Variants in FCN1 observed in about 807,000 individuals in gnomAD.
FCN1 encodes the protein ficolin 1.
In FCN1, 42 loss-of-function variants were observed where a neutral mutation model predicts 35.6. That is an observed-to-expected ratio of 1.18 (90% CI 0.92 to 1.53). The LOEUF is 1.53. FCN1 is among the 40% of genes most tolerant of loss of function. FCN1 has a pLI of 0.00. For synonymous variants in FCN1, 179 were observed against 169.8 expected (o/e 1.05, Z -0.42); for missense variants, 439 against 428.4 (o/e 1.02, Z -0.22).
chr9:134,914,789 C>A lies in FCN1; in HGVS notation c.238G>T (p.Ala80Ser). ...CCCACTGGTCCTGCCTTTCCAGGGG[C>A]TCCAGGGAGACCGCGTTCTCCTGAA... ...GERGERGLPG[A>S]PGKAGPVGPK... is the part of the protein sequence containing the mutation. The change falls in exon 3 of 9, where the codon GCC becomes TCC. Residue 80 changes from alanine to serine, a missense_variant. Ala to Ser is a moderately conservative substitution (Grantham distance 99, BLOSUM62 1). Coordinates refer to ENST00000371806, the MANE Select transcript of FCN1 (RefSeq NM_002003.5). 2 of 1,612,856 alleles carry A rather than the reference C, an allele frequency of 1.2e-6. No homozygotes were observed. The highest frequency in any genetic ancestry group is 1.7e-6 in the Non-Finnish European group (2 of 1,179,336).
At chr9:134,914,660 TC>T (rs1831069373) in intron 3 of FCN1, 95 bp downstream of exon 3, 1 of 946,470 alleles carries the variant, frequency 1.1e-6, no homozygotes, top group African/African-American at 1.6e-5. Context: ...TGTGTCTGTG[TC>T]TGTGTCTCTG....
Position 134,904,178 on chromosome 9 carries a change from A to T in FCN1, c.*5620T>A, listed in dbSNP as rs1830915077. Among the ~76,000 whole-genome samples, 1 of 152,222 alleles carries T rather than the reference A, an allele frequency of 6.6e-6. No individual in the cohort carries two copies. The highest frequency in any genetic ancestry group is 1.5e-5 in the Non-Finnish European group (1 of 68,046). On this transcript the variant is annotated 3_prime_UTR_variant, in exon 9 of 9. Transcript: ENST00000371806. The stretch of plus-strand genomic sequence containing the variant: ...GATTCTATGAACCCCAAGCAAGACA[A>T]ATTCAGAGAAAGTCTCATCCAGGCA...
chr9:134,912,369 G>A (rs891142901), intron 7 of FCN1, 117 bp downstream of exon 7: 34 of 1,053,688 alleles, frequency 3.2e-5, no homozygotes, highest in South Asian at 2.3e-4. Context: ...CCACCTGAGT[G>A]TGCTCAGGGC....
intron 1 of FCN1, among the ~76,000 whole-genome samples, 155 bp downstream of exon 1, chr9:134,917,614 C>A (rs1485479408): frequency 6.6e-6 from 1 of 152,198 alleles, no homozygotes; most frequent in Non-Finnish European, 1.5e-5. Context: ...GCCTCAGCTG[C>A]CCTGAGCCTC....
chr9:134,909,148 G>T lies in FCN1; in HGVS notation c.*650C>A. The T allele has an allele frequency of 8.2e-7, 1 of 1,222,604 alleles. No homozygotes were observed. 75.7% of individuals were successfully genotyped at this position (1,222,604 alleles called of 1,614,324 possible). A position where few individuals can be genotyped will look rare whatever the true frequency, so the allele number is the denominator to read the frequency against. On this transcript the variant is annotated 3_prime_UTR_variant, in exon 9 of 9. Coordinates refer to ENST00000371806, the MANE Select transcript of FCN1 (RefSeq NM_002003.5). The stretch of plus-strand genomic sequence containing the variant: ...GGAAGGCCTCTTCGGAATCTTCTCT[G>T]TGCAGGTGGCTGACCAGGCGCTCAC...
chr9:134,914,855 A>T, intron 2 of FCN1, 46 bp from the exon 3 acceptor site: 1 of 1,486,438 alleles, frequency 6.7e-7, no homozygotes. Flanking sequence ...CAACCTAAAC[A>T]ATTCTCCCTG....
At chr9:134,913,737 G>T in intron 4 of FCN1, 124 bp from the exon 5 acceptor site, 1 of 652,342 alleles carries the variant, frequency 1.5e-6, no homozygotes. Flanking sequence ...ATGTCTCCAG[G>T]ACACGTGGCA....
rs771008933 is a variant in FCN1, at chr9:134,903,400, C to A, written c.*6398G>T. 6.6e-6 allele frequency among the ~76,000 whole-genome samples: 1 copy of A among 152,030 alleles called. No individual in the cohort carries two copies. Among genetic ancestry groups the A allele is most frequent in the Non-Finnish European group, 1.5e-5 (1 of 67,988 alleles). The stretch of plus-strand genomic sequence containing the variant: ...TTGGCAAATTTAAAATAATTGAAAT[C>A]ATATTAAGTTTGTTCTCTGACCCTG... On this transcript the variant is annotated 3_prime_UTR_variant, in exon 9 of 9. Transcript: ENST00000371806.
chr9:134,916,263 G>A, intron 2 of FCN1, 85 bp downstream of exon 2: 7 of 1,054,710 alleles, frequency 6.6e-6, no homozygotes, highest in Non-Finnish European at 8.9e-6. Context: ...CGGTGGGGGT[G>A]TTGCCCAACT....
Position 134,905,922 on chromosome 9 carries a change from T to TCTC in FCN1, c.*3873_*3875dup, listed in dbSNP as rs1249713504. 7 of 95,552 alleles carry TCTC rather than the reference T, an allele frequency of 7.3e-5. No homozygotes were observed. The highest frequency in any genetic ancestry group is 3.2e-4 in the South Asian group (1 of 3,122). The allele number at this position is 95,552 out of a possible 1,614,324, so 5.9% of individuals were successfully genotyped here. A position where few individuals can be genotyped will look rare whatever the true frequency, so the allele number is the denominator to read the frequency against. On this transcript the variant is annotated 3_prime_UTR_variant, in exon 9 of 9. Coordinates refer to ENST00000371806, the MANE Select transcript of FCN1 (RefSeq NM_002003.5). ...TTCTTCTTCTTCTTCTTCTTCTTCT[T>TCTC]CTCCCTCTCCCTCTCCCTCTCCCTC...
intron 7 of FCN1, 49 bp from the exon 8 acceptor site, chr9:134,911,316 C>A (rs774171024): frequency 1.3e-6 from 2 of 1,584,596 alleles, no homozygotes; most frequent in Non-Finnish European, 1.7e-6. Context: ...CTTTCTGTCA[C>A]CAGGCATGAG....
Position 134,905,771 on chromosome 9 carries a change from A to C in FCN1, c.*4027T>G. On this transcript the variant is annotated 3_prime_UTR_variant, in exon 9 of 9. Coordinates refer to ENST00000371806, the MANE Select transcript of FCN1 (RefSeq NM_002003.5). ...AGTGCTGGGATTACAAGCGTGAGCC[A>C]CCGCGCCTGGCCGCTGCTGCTGCTT... The C allele has an allele frequency of 4.8e-6, 1 of 206,460 alleles. No individual in the cohort carries two copies. The highest frequency in any genetic ancestry group is 2.4e-5 in the African/African-American group (1 of 40,944). The allele number at this position is 206,460 out of a possible 1,614,324, so 12.8% of individuals were successfully genotyped here. A position where few individuals can be genotyped will look rare whatever the true frequency, so the allele number is the denominator to read the frequency against.
intron 1 of FCN1, 107 bp from the exon 2 acceptor site, chr9:134,916,568 GGT>G: frequency 8.6e-7 from 1 of 1,156,120 alleles, no homozygotes; most frequent in Non-Finnish European, 1.3e-6. Flanking sequence ...CTCAGGCACT[GGT>G]GAGGCGGAGA....
intron 5 of FCN1, 114 bp from the exon 6 acceptor site, chr9:134,913,257 G>A: frequency 7.1e-7 from 1 of 1,401,616 alleles, no homozygotes; most frequent in Non-Finnish European, 9.8e-7. Flanking sequence ...TGCGGACCGA[G>A]CAGGACTCCG....
Position 134,904,942 on chromosome 9 carries a change from C to T in FCN1, c.*4856G>A, listed in dbSNP as rs1830922872. On this transcript the variant is annotated 3_prime_UTR_variant, in exon 9 of 9. Coordinates refer to ENST00000371806, the MANE Select transcript of FCN1 (RefSeq NM_002003.5). ...TGAATACGGACTGCACAAAACAATACTAATAGCCATTTCTTGCAGGACTTT... is the reference window on the plus strand; with the variant it reads ...TGAATACGGACTGCACAAAACAATATTAATAGCCATTTCTTGCAGGACTTT... 6.6e-6 allele frequency among the ~76,000 whole-genome samples: 1 copy of T among 152,054 alleles called. No homozygotes were observed. Among genetic ancestry groups the T allele is most frequent in the Admixed American group, 6.5e-5 (1 of 15,270 alleles).
chr9:134,914,521 A>T, intron 3 of FCN1, 101 bp from the exon 4 acceptor site: 2 of 1,223,300 alleles, frequency 1.6e-6, no homozygotes, highest in Non-Finnish European at 2.4e-6. Flanking sequence ...GCATCTCCCC[A>T]GCCCTGCAGG....
intron 2 of FCN1, among the ~76,000 whole-genome samples, chr9:134,915,159 A>G (rs2118942450): frequency 6.6e-6 from 1 of 152,312 alleles, no homozygotes; most frequent in South Asian, 2.1e-4. Context: ...AGGTTCTGGA[A>G]CAAAGAATGC....
intron 4 of FCN1, among the ~76,000 whole-genome samples, 167 bp downstream of exon 4, chr9:134,914,218 C>A (rs1831062493): frequency 6.6e-6 from 1 of 152,146 alleles, no homozygotes; most frequent in African/African-American, 2.4e-5. Context: ...AGGGTTTGAG[C>A]CCTCGTGGAT....
Position 134,903,534 on chromosome 9 carries a change from ACAGAGGAAACTCTTAGAACTG to A in FCN1, c.*6243_*6263del. Among the ~76,000 whole-genome samples the A allele has an allele frequency of 6.6e-6, 1 of 152,222 alleles. No homozygotes were observed. The highest frequency in any genetic ancestry group is 1.5e-5 in the Non-Finnish European group (1 of 68,030). On this transcript the variant is annotated 3_prime_UTR_variant, in exon 9 of 9. Coordinates refer to ENST00000371806, the MANE Select transcript of FCN1 (RefSeq NM_002003.5). ...TAAACCATGGGCCAAAGGAAAAGTC[ACAGAGGAAACTCTTAGAACTG>A]AACTAAAATAGGTGAATTTTACTGT...
Sources: gnomAD v4.1 joint callset for allele counts (sites outside exome capture counted in the v4.1 genomes callset) on GRCh38, gnomAD v4.1.1 for gene constraint, MANE v1.5 for transcripts, NCBI Gene and HGNC (gene_info 2026-07-23, HGNC 2026-07-21) for gene names.